CACNA1D: variants seen among roughly 807,000 people sequenced by gnomAD.
The protein encoded by CACNA1D is voltage-dependent L-type calcium channel subunit alpha-1D.
A neutral mutation model predicts 257.1 loss-of-function variants in CACNA1D; 55 were observed. The ratio of observed to expected loss-of-function variants is 0.21; its 90% confidence interval spans 0.17 to 0.27. The LOEUF (loss-of-function observed/expected upper bound fraction) is 0.27, where lower values mean the gene tolerates loss of function less well. Among genes scored for constraint, CACNA1D ranks in the 10% least tolerant of loss-of-function variants. CACNA1D has a pLI of 1.00. For missense variants in CACNA1D, 1,876 were observed against 2,784.0 expected (o/e 0.67, Z 7.34); for synonymous variants, 980 against 1,014.9 (o/e 0.97, Z 0.65).
intron 11 of CACNA1D, 151 bp from the exon 12 acceptor site, chr3:53,722,163 T>C: frequency 2.8e-6 from 2 of 721,238 alleles, no homozygotes; most frequent in Middle Eastern, 3.8e-4. Context: ...AGTCTGTTAA[T>C]TTCTGTGCCA....
At chr3:53,608,761 A>G (rs1385995622) in intron 3 of CACNA1D, among the ~76,000 whole-genome samples, 1 of 152,186 alleles carries the variant, frequency 6.6e-6, no homozygotes, top group Non-Finnish European at 1.5e-5. Flanking sequence ...TATTCCACTA[A>G]TATAGTAAAT....
chr3:53,549,187 G>T (rs978101092), intron 3 of CACNA1D, among the ~76,000 whole-genome samples: 1 of 152,194 alleles, frequency 6.6e-6, no homozygotes, highest in African/African-American at 2.4e-5. Context: ...CAGATCAGAG[G>T]ATGGCTGAGT....
rs2095418901 is a variant in CACNA1D at position 53,780,249 on chromosome 3, A to G, written c.4690+121A>G. ...GGGAGGCCCTGGGGAAGGGGCTGGC[A>G]AGTAGAATGAAGATGTCCATGCTGG... On this transcript the variant is annotated intron_variant, in intron 38 of 47. Transcript: ENST00000350061. 1.2e-5 allele frequency: 9 copies of G among 778,176 alleles called. No individual in the cohort carries two copies. The South Asian group carries it at 1.3e-4, about 11-fold the overall frequency. 48.2% of individuals were successfully genotyped at this position (778,176 alleles called of 1,614,324 possible). A position where few individuals can be genotyped will look rare whatever the true frequency, so the allele number is the denominator to read the frequency against.
In CACNA1D at chr3:53,762,740, G is replaced by C. The variant is rs1271030975; in HGVS notation, c.3870+659G>C. ...AATCTCCACACACTTTAGAAATCCA[G>C]ACACAAATTTATTTTGAAAGACTAA... On this transcript the variant is annotated intron_variant, in intron 30 of 47. Coordinates refer to ENST00000350061, the MANE Select transcript of CACNA1D (RefSeq NM_001128840.3). The C allele has an allele frequency of 1.0e-5, 4 of 384,088 alleles. No homozygotes were observed. In the East Asian group the frequency reaches 2.3e-4, roughly 22 times the overall value. The allele number at this position is 384,088 out of a possible 1,614,324, so 23.8% of individuals were successfully genotyped here.
At chr3:53,559,557 T>C (rs2092702001) in intron 3 of CACNA1D, among the ~76,000 whole-genome samples, 1 of 152,218 alleles carries the variant, frequency 6.6e-6, no homozygotes. Context: ...GCCTTTACAG[T>C]GTCATTTTAG....
chr3:53,602,804 T>C (rs373174865), intron 3 of CACNA1D, among the ~76,000 whole-genome samples: 98 of 152,330 alleles, frequency 6.4e-4, no homozygotes, highest in South Asian at 1.7e-3. Flanking sequence ...GGCTTTTTTT[T>C]CCCCCTATTG....
chr3:53,699,487 A>G (rs2094600940), intron 8 of CACNA1D, among the ~76,000 whole-genome samples: 1 of 152,234 alleles, frequency 6.6e-6, no homozygotes, highest in African/African-American at 2.4e-5. Flanking sequence ...AAGTGAGGAA[A>G]CTGAAGCTCA....
intron 16 of CACNA1D, 71 bp downstream of exon 16, chr3:53,730,627 C>A: frequency 8.8e-7 from 1 of 1,141,074 alleles, no homozygotes; most frequent in South Asian, 1.3e-5. Flanking sequence ...TGCAGCCTGC[C>A]AGGCTTACCC....
chr3:53,621,752 G>A (rs1348776862), intron 3 of CACNA1D, among the ~76,000 whole-genome samples: 1 of 152,144 alleles, frequency 6.6e-6, no homozygotes, highest in Non-Finnish European at 1.5e-5. Flanking sequence ...GACAAATAAA[G>A]CATCCATGCA....
chr3:53,682,563 A>C (rs1189106050), intron 8 of CACNA1D, among the ~76,000 whole-genome samples: 3 of 150,922 alleles, frequency 2.0e-5, no homozygotes, highest in Non-Finnish European at 2.9e-5. Context: ...TCTTAAAAAA[A>C]AAAAAGAAGA....
chr3:53,674,215 T>C (rs558346007), intron 8 of CACNA1D, among the ~76,000 whole-genome samples: 1 of 152,284 alleles, frequency 6.6e-6, no homozygotes, highest in East Asian at 1.9e-4. Context: ...CTGGCCCCTT[T>C]AGGTCACCAC....
intron 29 of CACNA1D, among the ~76,000 whole-genome samples, chr3:53,755,948 G>T (rs1447472796): frequency 6.6e-6 from 1 of 152,172 alleles, no homozygotes; most frequent in Non-Finnish European, 1.5e-5. Flanking sequence ...GCAGAAGGAG[G>T]AATATTCTGA....
chr3:53,539,256 C>T (rs766567243), intron 3 of CACNA1D, among the ~76,000 whole-genome samples: 5 of 151,992 alleles, frequency 3.3e-5, no homozygotes, highest in Non-Finnish European at 7.4e-5. Flanking sequence ...ATTACAGATG[C>T]CCAACACCAT....
At chr3:53,632,722 G>A (rs1040339611) in intron 3 of CACNA1D, among the ~76,000 whole-genome samples, 12 of 152,158 alleles carry the variant, frequency 7.9e-5, no homozygotes, top group South Asian at 4.1e-4. Context: ...ATGTTATTGC[G>A]TCTCAGGGAA....
intron 1 of CACNA1D, among the ~76,000 whole-genome samples, chr3:53,496,425 GTCTC>G (rs1308529258): frequency 6.6e-6 from 1 of 152,182 alleles, no homozygotes; most frequent in African/African-American, 2.4e-5. Context: ...TGCCTTGTCT[GTCTC>G]TCTGGATGCT....
At chr3:53,617,956 A>G (rs1051901699) in intron 3 of CACNA1D, among the ~76,000 whole-genome samples, 1 of 152,164 alleles carries the variant, frequency 6.6e-6, no homozygotes, top group Admixed American at 6.5e-5. Flanking sequence ...GGCCAAGCCC[A>G]GGTATGTTTT....
chr3:53,801,802 T>C (rs41276453), intron 42 of CACNA1D, among the ~76,000 whole-genome samples: 15,298 of 152,300 alleles, frequency 0.1, 1,032 homozygotes, highest in African/African-American at 0.18. Flanking sequence ...GTCTTGCACC[T>C]TCTCAGCTCT....
intron 3 of CACNA1D, among the ~76,000 whole-genome samples, chr3:53,568,219 C>G (rs1022534288): frequency 3.9e-5 from 6 of 152,162 alleles, no homozygotes; most frequent in Admixed American, 2.0e-4. Flanking sequence ...TGCAGCTGAG[C>G]AGCTAAGCGT....
At chr3:53,594,334 C>G (rs1025105594) in intron 3 of CACNA1D, among the ~76,000 whole-genome samples, 1 of 152,180 alleles carries the variant, frequency 6.6e-6, no homozygotes, top group Admixed American at 6.5e-5. Flanking sequence ...ATTACTGAGA[C>G]TAGAGTCAGG....
Sources: gnomAD v4.1 joint callset for allele counts (sites outside exome capture counted in the v4.1 genomes callset) on GRCh38, gnomAD v4.1.1 for gene constraint, MANE v1.5 for transcripts, NCBI Gene and HGNC (gene_info 2026-07-23, HGNC 2026-07-21) for gene names.